The following WASHC2A variants were observed in gnomAD, a reference collection of about 807,000 sequenced individuals.
WASHC2A encodes WASH complex subunit FAM21A.
WASHC2A carries 82 observed loss-of-function variants against 140.3 expected under a neutral mutation model. The ratio of observed to expected loss-of-function variants is 0.58; its 90% CI spans 0.49 to 0.70. The LOEUF (loss-of-function observed/expected upper bound fraction) is 0.70. Among genes scored for constraint, WASHC2A ranks in the 30% least tolerant of loss-of-function variants. The pLI is 0.00. For missense variants in WASHC2A, 985 were observed against 1,521.8 expected, an observed-to-expected ratio of 0.65 and a Z score of 5.87; for synonymous variants, 340 against 560.8, an observed-to-expected ratio of 0.61 and a Z score of 5.56.
At chr10:50,127,057 G>A in intron 26 of WASHC2A, 103 bp from the exon 27 acceptor site, 2 of 1,312,156 alleles carry the variant, frequency 1.5e-6, no homozygotes, top group South Asian at 2.4e-5. Context: ...AAGAGCTACA[G>A]AAAGTGACAG....
chr10:50,081,168 C>T (rs1414345508), intron 5 of WASHC2A, among the ~76,000 whole-genome samples: 12 of 145,584 alleles, frequency 8.2e-5, no homozygotes, highest in African/African-American at 2.0e-4. Context: ...CCTCTACTCT[C>T]GAGGTGTGTG....
At chr10:50,097,916 A>G (rs1840649735) in intron 16 of WASHC2A, 114 bp downstream of exon 16, 1 of 1,538,258 alleles carries the variant, frequency 6.5e-7, no homozygotes, top group South Asian at 1.3e-5. Flanking sequence ...AAGAACTTCA[A>G]ACAGAAAGTG....
chr10:50,101,270 G>A (rs1841133227), intron 17 of WASHC2A, among the ~76,000 whole-genome samples: 1 of 152,310 alleles, frequency 6.6e-6, no homozygotes, highest in African/African-American at 2.4e-5. Flanking sequence ...ACCCACACCT[G>A]CACCTCAGGG....
At chr10:50,112,388 C>A (rs1337841522) in intron 20 of WASHC2A, 3 of 371,914 alleles carry the variant, frequency 8.1e-6, no homozygotes, top group Non-Finnish European at 1.1e-5. Flanking sequence ...AGAAGCTTTA[C>A]ACACACAAGA....
Position 50,084,252 on chromosome 10 carries a change from A to G in WASHC2A, c.622+87A>G. On this transcript the variant is annotated intron_variant, in intron 6 of 30. Coordinates refer to ENST00000282633, the MANE Select transcript of WASHC2A (RefSeq NM_001005751.3). ...CAAATTTTACATTAAAGTTTCAAGA[A>G]TAGTTCAAAGAACTCTCATATACCC... 4.8e-6 allele frequency: 7 copies of G among 1,455,606 alleles called. 1 individual carries two copies. The Admixed American group carries it at 8.0e-5, about 17-fold the overall frequency. The allele number at this position is 1,455,606 out of a possible 1,614,324, so 90.2% of individuals were successfully genotyped here.
rs1564764901 is a variant in WASHC2A at position 50,092,022 on chromosome 10, A to G, written c.932-140A>G. ...CACTGTGGGCAGGGCCAGGGGGTTC[A>G]GTGCTCTGGTGCAGCTGAGATGAAA... On this transcript the variant is annotated intron_variant, in intron 10 of 30. Coordinates refer to ENST00000282633, the MANE Select transcript of WASHC2A (RefSeq NM_001005751.3). 5 of 1,587,614 alleles carry G rather than the reference A, an allele frequency of 3.1e-6. No individual in the cohort carries two copies. The South Asian group carries it at 5.6e-5, about 18-fold the overall frequency.
intron 16 of WASHC2A, among the ~76,000 whole-genome samples, 190 bp downstream of exon 16, chr10:50,097,992 C>T (rs1315040005): frequency 6.6e-6 from 1 of 151,562 alleles, no homozygotes; most frequent in Admixed American, 6.6e-5. Flanking sequence ...AGGGTTTTGG[C>T]AAACACTTTA....
In WASHC2A at chr10:50,130,995, A is replaced by G; in HGVS notation, c.3803A>G (p.Asp1268Gly). 1.2e-6 allele frequency: 2 copies of G among 1,610,442 alleles called. No homozygotes were observed. Among genetic ancestry groups the G allele is most frequent in the Non-Finnish European group, 1.7e-6 (2 of 1,178,820 alleles). ...LESNLFDDNIDIFADLTVKPK... is the reference protein window; with the variant it reads ...LESNLFDDNIGIFADLTVKPK... ...TCTAATTTATTTGATGATAACATTGATATCTTTGCTGACTTAACTGTAAAA... is the reference window on the plus strand; with the variant it reads ...TCTAATTTATTTGATGATAACATTGGTATCTTTGCTGACTTAACTGTAAAA... The change falls in exon 30 of 31, where the codon GAT (aspartate) becomes GGT (glycine). Residue 1268 changes from aspartate to glycine, a missense_variant. Asp to Gly is a moderately conservative substitution (Grantham distance 94). Coordinates refer to ENST00000282633, the MANE Select transcript of WASHC2A (RefSeq NM_001005751.3).
intron 8 of WASHC2A, among the ~76,000 whole-genome samples, chr10:50,089,718 G>A (rs1214659357): frequency 6.6e-6 from 1 of 152,204 alleles, no homozygotes; most frequent in Non-Finnish European, 1.5e-5. Flanking sequence ...TGGCTCTCTA[G>A]TCGTTACAGC....
intron 17 of WASHC2A, among the ~76,000 whole-genome samples, chr10:50,100,349 G>T (rs1840995600): frequency 6.6e-6 from 1 of 151,434 alleles, no homozygotes; most frequent in African/African-American, 2.4e-5. Flanking sequence ...GGGTATGGTG[G>T]TGCGAGCCTG....
chr10:50,095,032 G>T (rs1840335892), intron 13 of WASHC2A, 116 bp from the exon 14 acceptor site: 1 of 1,576,260 alleles, frequency 6.3e-7, no homozygotes, highest in Non-Finnish European at 8.6e-7. Flanking sequence ...TCAGGAAAAA[G>T]TGGTTTCAAA....
At chr10:50,091,835 C>T (rs1246956437) in intron 10 of WASHC2A, among the ~76,000 whole-genome samples, 9 of 152,040 alleles carry the variant, frequency 5.9e-5, no homozygotes, top group African/African-American at 2.2e-4. Flanking sequence ...AATATTTACT[C>T]CTATATTTTG....
Position 50,126,139 on chromosome 10 carries a change from G to T in WASHC2A, c.2771G>T (p.Gly924Val). 1 of 1,613,552 alleles carries T rather than the reference G, an allele frequency of 6.2e-7. No individual in the cohort carries two copies. Among genetic ancestry groups the T allele is most frequent in the Non-Finnish European group, 8.5e-7 (1 of 1,179,800 alleles). Residue 924 changes from glycine to valine, a missense_variant, in exon 26 of 31, where the codon GGT becomes GTT. Transcript: ENST00000282633. ...KNQKHPESIQ[G>V]SKEKGIWKPE... The stretch of plus-strand genomic sequence containing the variant: ...CAGAAACATCCTGAATCCATTCAAG[G>T]TAGTAAAGAAAAAGGCATATGGAAG...
intron 18 of WASHC2A, among the ~76,000 whole-genome samples, chr10:50,104,577 G>C (rs567317399): frequency 3.7e-4 from 57 of 152,080 alleles, no homozygotes; most frequent in Admixed American, 7.2e-4. Context: ...GGCTAGTTTC[G>C]AACTCCTGAT....
chr10:50,069,020 A>G (rs1423840607), intron 2 of WASHC2A, among the ~76,000 whole-genome samples: 1 of 146,974 alleles, frequency 6.8e-6, no homozygotes, highest in East Asian at 1.9e-4. Flanking sequence ...CCCAGTGCCA[A>G]AAAGGGATTT....
chr10:50,103,833 C>T (rs1254353937), intron 17 of WASHC2A, among the ~76,000 whole-genome samples: 2 of 152,102 alleles, frequency 1.3e-5, no homozygotes, highest in Non-Finnish European at 2.9e-5. Context: ...GATCCTGTAG[C>T]TCTCCTCCTC....
chr10:50,100,353 G>A (rs1236836762), intron 17 of WASHC2A, among the ~76,000 whole-genome samples: 4 of 151,496 alleles, frequency 2.6e-5, no homozygotes, highest in South Asian at 2.1e-4. Context: ...ATGGTGGTGC[G>A]AGCCTGTAAT....
intron 23 of WASHC2A, among the ~76,000 whole-genome samples, chr10:50,124,150 G>C (rs1167972967): frequency 6.6e-6 from 1 of 152,074 alleles, no homozygotes; most frequent in African/African-American, 2.4e-5. Flanking sequence ...TGTTGCCCAG[G>C]CTGGAGTGCA....
Position 50,098,501 on chromosome 10 carries a change from T to C in WASHC2A, c.1548+699T>C, listed in dbSNP as rs1372664648. ...CACTGATCTGACAGGAGGAGGAGCTTAGGCAGTAATGCTTGCTGCTCACCT... is the reference window on the plus strand; with the variant it reads ...CACTGATCTGACAGGAGGAGGAGCTCAGGCAGTAATGCTTGCTGCTCACCT... On this transcript the variant is annotated intron_variant, in intron 16 of 30. Coordinates refer to ENST00000282633, the MANE Select transcript of WASHC2A (RefSeq NM_001005751.3). Among the ~76,000 whole-genome samples the C allele has an allele frequency of 2.0e-4, 24 of 117,166 alleles. 1 individual carries two copies. The highest frequency in any genetic ancestry group is 5.2e-4 in the African/African-American group (18 of 34,742). The allele number at this position is 117,166 out of a possible 152,430, so 76.9% of individuals were successfully genotyped here.
Sources: allele counts gnomAD v4.1 joint callset (sites outside exome capture counted in the v4.1 genomes callset), GRCh38; gene constraint gnomAD v4.1.1; transcripts MANE v1.5; gene names NCBI Gene and HGNC (gene_info 2026-07-23, HGNC 2026-07-21).